The following SLC5A8 variants were observed in gnomAD, a reference collection of about 807,000 sequenced individuals.
SLC5A8 encodes the protein solute carrier family 5 member 8.
In SLC5A8, 55 loss-of-function variants were observed where a neutral mutation model predicts 71.9. That is an observed-to-expected ratio of 0.77 (90% CI 0.62 to 0.96). SLC5A8 has a LOEUF of 0.96. Ranked by LOEUF, SLC5A8 falls within the 40% of genes least tolerant of loss-of-function variation. The probability of loss-of-function intolerance (pLI) is 0.00; values close to 1 mark genes in which losing one functional copy is unlikely to be tolerated. For synonymous variants in SLC5A8, 307 were observed against 276.1 expected (o/e 1.11, Z -1.11); for missense variants, 701 against 745.3 (o/e 0.94, Z 0.69).
chr12:101,157,836 T>C (rs893702462), intron 14 of SLC5A8, among the ~76,000 whole-genome samples: 1 of 151,448 alleles, frequency 6.6e-6, no homozygotes, highest in South Asian at 2.1e-4. Flanking sequence ...CATCAGAGAA[T>C]AGAGGGATAT....
intron 10 of SLC5A8, among the ~76,000 whole-genome samples, chr12:101,173,216 A>G (rs2051847640): frequency 1.3e-5 from 2 of 152,206 alleles, no homozygotes. Context: ...TTCTCGGCCT[A>G]TGAGTTGCAA....
chr12:101,164,246 A>G (rs193059162), intron 12 of SLC5A8, among the ~76,000 whole-genome samples: 6 of 152,316 alleles, frequency 3.9e-5, no homozygotes, highest in Admixed American at 3.3e-4. Flanking sequence ...ATGAACTTCT[A>G]TGTAAGTAAG....
Position 101,187,355 on chromosome 12 carries a change from A to C in SLC5A8, c.963+31T>G, listed in dbSNP as rs1402671975. ...CTAATAAGCTTTTTGAATATTATTAATACACCTGTAAGAAAGACATGGTAC... is the reference window on the plus strand; with the variant it reads ...CTAATAAGCTTTTTGAATATTATTACTACACCTGTAAGAAAGACATGGTAC... On this transcript the variant is annotated intron_variant, in intron 7 of 14. Coordinates refer to ENST00000536262, the MANE Select transcript of SLC5A8 (RefSeq NM_145913.5). 4 of 1,593,762 alleles carry C rather than the reference A, an allele frequency of 2.5e-6. No homozygotes were observed. In the South Asian group the frequency reaches 4.7e-5, roughly 19 times the overall value.
intron 10 of SLC5A8, among the ~76,000 whole-genome samples, chr12:101,170,095 C>A (rs1394332680): frequency 6.6e-6 from 1 of 152,180 alleles, no homozygotes; most frequent in African/African-American, 2.4e-5. Flanking sequence ...AGGGAGAAGT[C>A]TATGCCAAGG....
chr12:101,170,905 C>G (rs745774833), intron 10 of SLC5A8, among the ~76,000 whole-genome samples: 2 of 152,176 alleles, frequency 1.3e-5, no homozygotes, highest in African/African-American at 4.8e-5. Flanking sequence ...TCCTAGTTAA[C>G]CAGCTTCCCA....
chr12:101,188,048 C>T (rs1402953117), intron 6 of SLC5A8, among the ~76,000 whole-genome samples: 1 of 152,156 alleles, frequency 6.6e-6, no homozygotes, highest in Non-Finnish European at 1.5e-5. Context: ...CTGTAATATA[C>T]TGTGTGTGCT....
At chr12:101,165,597 A>G (rs2051761198) in intron 12 of SLC5A8, among the ~76,000 whole-genome samples, 1 of 152,148 alleles carries the variant, frequency 6.6e-6, no homozygotes, top group Non-Finnish European at 1.5e-5. Flanking sequence ...CCTGCCTGGA[A>G]CGCCCCTGGA....
At chr12:101,202,072 C>G in intron 3 of SLC5A8, 92 bp downstream of exon 3, 1 of 1,248,550 alleles carries the variant, frequency 8.0e-7, no homozygotes. Context: ...AGAAGCATTC[C>G]TCCATCTCCC....
intron 13 of SLC5A8, among the ~76,000 whole-genome samples, 198 bp downstream of exon 13, chr12:101,161,776 G>A (rs929130974): frequency 2.6e-5 from 4 of 152,022 alleles, no homozygotes; most frequent in African/African-American, 9.7e-5. Flanking sequence ...GCCCCTAAAG[G>A]GCAGAACCAA....
rs775520700 is a variant in SLC5A8 at position 101,187,469 on chromosome 12, A to T, written c.880T>A (p.Ser294Thr). ...LVGLWAILTC[S>T]VFCGLALYSR... The stretch of plus-strand genomic sequence containing the variant: ...TATAGGGCGAGCCCACAAAACACTG[A>T]GCATGTGAGGATTGCCCAGAGTCCC... Residue 294 changes from serine (S) to threonine (T), a missense_variant, in exon 7 of 15, where the codon TCA becomes ACA. Transcript: ENST00000536262. 3.1e-6 allele frequency: 5 copies of T among 1,614,006 alleles called. No individual in the cohort carries two copies. The South Asian group carries it at 5.5e-5, about 18-fold the overall frequency.
At chr12:101,173,891 T>A (rs1261722789) in intron 10 of SLC5A8, among the ~76,000 whole-genome samples, 1 of 152,118 alleles carries the variant, frequency 6.6e-6, no homozygotes, top group African/African-American at 2.4e-5. Flanking sequence ...AGCCAGTGGT[T>A]AGCTCTTCAA....
chr12:101,185,356 T>C (rs1868586197), intron 7 of SLC5A8, among the ~76,000 whole-genome samples: 3 of 152,126 alleles, frequency 2.0e-5, no homozygotes, highest in African/African-American at 7.2e-5. Context: ...TATAAAAAGG[T>C]CCAAAATCCT....
At chr12:101,161,580 T>C (rs573897050) in intron 13 of SLC5A8, among the ~76,000 whole-genome samples, 31 of 152,362 alleles carry the variant, frequency 2.0e-4, no homozygotes, top group Non-Finnish European at 2.8e-4. Context: ...GATCACAGCA[T>C]ATTGGGTTAT....
At chr12:101,191,747 C>A (rs1025185333) in intron 5 of SLC5A8, among the ~76,000 whole-genome samples, 6 of 152,168 alleles carry the variant, frequency 3.9e-5, no homozygotes, top group Admixed American at 6.5e-5. Flanking sequence ...TTGAGCAATA[C>A]TTTGTCTATC....
intron 10 of SLC5A8, among the ~76,000 whole-genome samples, chr12:101,177,793 G>T (rs373426870): frequency 3.3e-5 from 5 of 152,168 alleles, no homozygotes; most frequent in Non-Finnish European, 5.9e-5. Flanking sequence ...TAGAGAATAG[G>T]AATAGAGAGT....
intron 3 of SLC5A8, among the ~76,000 whole-genome samples, chr12:101,200,209 A>G (rs947623698): frequency 4.6e-5 from 7 of 151,920 alleles, no homozygotes; most frequent in South Asian, 2.1e-4. Context: ...AACTCAGAAA[A>G]TGATTTCTTG....
chr12:101,179,554 T>A (rs964457802), intron 10 of SLC5A8, among the ~76,000 whole-genome samples: 1 of 152,208 alleles, frequency 6.6e-6, no homozygotes, highest in Non-Finnish European at 1.5e-5. Flanking sequence ...TCTATGTAAT[T>A]CCATGTATGT....
At chr12:101,163,986 A>G (rs570645596) in intron 12 of SLC5A8, among the ~76,000 whole-genome samples, 3 of 152,244 alleles carry the variant, frequency 2.0e-5, no homozygotes, top group Non-Finnish European at 4.4e-5. Context: ...CACTTCCTCA[A>G]TGGAAATGGT....
chr12:101,209,915 G>C lies in SLC5A8; in HGVS notation c.-67C>G. ...CCGCGGCGCGCAGCCGGAGCCCGGC[G>C]CGCACTTCTTATCCCGGATCCCTGG... On this transcript the variant is annotated 5_prime_UTR_variant, in exon 1 of 15. Coordinates refer to ENST00000536262, the MANE Select transcript of SLC5A8 (RefSeq NM_145913.5). The C allele has an allele frequency of 1.4e-6, 2 of 1,380,908 alleles. No homozygotes were observed. Among genetic ancestry groups the C allele is most frequent in the Non-Finnish European group, 9.6e-7 (1 of 1,044,946 alleles). 85.5% of individuals were successfully genotyped at this position (1,380,908 alleles called of 1,614,324 possible). A position where few individuals can be genotyped will look rare whatever the true frequency, so the allele number is the denominator to read the frequency against.
Sources: gnomAD v4.1 joint callset for allele counts (sites outside exome capture counted in the v4.1 genomes callset) on GRCh38, gnomAD v4.1.1 for gene constraint, MANE v1.5 for transcripts, NCBI Gene and HGNC (gene_info 2026-07-23, HGNC 2026-07-21) for gene names.